The following COL2A1 variants were observed in gnomAD, a reference collection of about 807,000 sequenced individuals.
COL2A1 encodes collagen alpha-1(II) chain.
Under a neutral mutation model 204.5 loss-of-function variants are expected in COL2A1, and 28 were observed. The ratio of observed to expected loss-of-function variants is 0.14; its 90% CI spans 0.10 to 0.19. COL2A1 has a LOEUF of 0.19. COL2A1 is among the 10% of genes least tolerant of loss of function. COL2A1 has a pLI of 1.00. For missense variants in COL2A1, 1,388 were observed against 2,027.5 expected (o/e 0.68, Z 6.06); for synonymous variants, 708 against 718.7 (o/e 0.99, Z 0.24).
chr12:47,993,157 C>T (rs1320853736), intron 15 of COL2A1, among the ~76,000 whole-genome samples: 2 of 152,186 alleles, frequency 1.3e-5, no homozygotes, highest in African/African-American at 2.4e-5. Flanking sequence ...CCTGTTGCTA[C>T]CTATTGGGAA....
At chr12:47,994,074 A>G in intron 12 of COL2A1, 27 bp from the exon 13 acceptor site, 1 of 1,613,746 alleles carries the variant, frequency 6.2e-7, no homozygotes, top group Non-Finnish European at 8.5e-7. Flanking sequence ...AGGTGTTCAG[A>G]GCACAGAGTA....
At position 47,994,495 on chromosome 12, in the gene COL2A1, G is replaced by A; in HGVS notation, c.763-18C>T. Reference sequence around the variant, plus strand: ...GCTTCACCCTGAAGGGAGAGAGAGAGATATCCCAGCTTCCTCAGAGACGCA... The same window carrying A: ...GCTTCACCCTGAAGGGAGAGAGAGAAATATCCCAGCTTCCTCAGAGACGCA... On this transcript the variant is annotated intron_variant, in intron 11 of 53. Transcript: ENST00000380518. 6.2e-7 allele frequency: 1 copy of A among 1,613,010 alleles called. No individual in the cohort carries two copies. The highest frequency in any genetic ancestry group is 8.5e-7 in the Non-Finnish European group (1 of 1,179,620).
intron 16 of COL2A1, among the ~76,000 whole-genome samples, chr12:47,990,525 G>A (rs1939654855): frequency 6.6e-6 from 1 of 152,166 alleles, no homozygotes; most frequent in African/African-American, 2.4e-5. Context: ...GTTAAGGCTT[G>A]GTTAAGGCCT....
intron 35 of COL2A1, 74 bp downstream of exon 35, chr12:47,982,033 C>T (rs1939120347): frequency 6.7e-7 from 1 of 1,493,450 alleles, no homozygotes; most frequent in Non-Finnish European, 9.3e-7. Context: ...GACTGCCCAG[C>T]CCTCTCTCCT....
chr12:47,983,038 T>C, intron 32 of COL2A1, 55 bp downstream of exon 32: 16 of 1,609,926 alleles, frequency 9.9e-6, no homozygotes, highest in South Asian at 9.9e-5. Context: ...AGCAGGAGCA[T>C]AGGACCCAGG....
intron 7 of COL2A1, among the ~76,000 whole-genome samples, 159 bp from the exon 8 acceptor site, chr12:47,996,784 A>T (rs1939986656): frequency 6.6e-6 from 1 of 152,240 alleles, no homozygotes; most frequent in Non-Finnish European, 1.5e-5. Flanking sequence ...ATGCCTGGAA[A>T]GTAATTTTGG....
At chr12:47,984,957 C>A in intron 27 of COL2A1, 38 bp downstream of exon 27, 1 of 1,556,114 alleles carries the variant, frequency 6.4e-7, no homozygotes, top group South Asian at 1.1e-5. Context: ...GTAGGTAGCA[C>A]CACATGGAAG....
intron 16 of COL2A1, among the ~76,000 whole-genome samples, chr12:47,991,343 C>CCACA (rs1213634209): frequency 6.6e-6 from 1 of 152,212 alleles, no homozygotes; most frequent in Non-Finnish European, 1.5e-5. Context: ...GGGCACATGA[C>CCACA]CACAGCAGGC....
Position 47,993,845 on chromosome 12 carries a change from G to A in COL2A1, c.888C>T (p.Asp296=), listed in dbSNP as rs776629744. Residue 296 remains aspartate, a synonymous_variant, in exon 14 of 54, where the codon GAC becomes GAT. Coordinates refer to ENST00000380518, the MANE Select transcript of COL2A1 (RefSeq NM_001844.5). ...GAGCACCCGCCTCTCCCTTAGCACCGTCCAGGCCTGGATAACCCTAGGGAA... is the reference window on the plus strand; with the variant it reads ...GAGCACCCGCCTCTCCCTTAGCACCATCCAGGCCTGGATAACCCTAGGGAA... ...VKGHRGYPGL[D]GAKGEAGAPG... is the part of the protein sequence containing the mutation. 40 of 1,613,940 alleles carry A rather than the reference G, an allele frequency of 2.5e-5. No individual in the cohort carries two copies. Among genetic ancestry groups the A allele is most frequent in the African/African-American group, 8.0e-5 (6 of 74,856 alleles).
chr12:47,975,599 G>A lies in COL2A1; in HGVS notation c.3604C>T (p.Pro1202Ser). 4.4e-6 allele frequency: 7 copies of A among 1,600,074 alleles called. No individual in the cohort carries two copies. The highest frequency in any genetic ancestry group is 5.9e-6 in the Non-Finnish European group (7 of 1,179,842). Residue 1202 changes from proline (P) to serine (S), a missense_variant, in exon 51 of 54, where the codon CCT becomes TCT. Transcript: ENST00000380518. ...RSGETGPAGP[P>S]GNPGPPGPPG... Reference sequence around the variant, plus strand: ...GGACCAGGGGGTCCAGGATTTCCAGGAGGACCCTGCAGCAGGAAACAGAGA... The same window carrying A: ...GGACCAGGGGGTCCAGGATTTCCAGAAGGACCCTGCAGCAGGAAACAGAGA...
chr12:47,979,145 T>C (rs1175643013), intron 41 of COL2A1, among the ~76,000 whole-genome samples: 1 of 151,996 alleles, frequency 6.6e-6, no homozygotes, highest in Non-Finnish European at 1.5e-5. Context: ...AGTGAGTTCA[T>C]CACCACTGCT....
Position 47,986,848 on chromosome 12 carries a change from G to A in COL2A1, c.1406C>T (p.Pro469Leu), listed in dbSNP as rs759832643. The A allele has an allele frequency of 1.2e-6, 2 of 1,614,178 alleles. 1 individual carries two copies. Among genetic ancestry groups the A allele is most frequent in the South Asian group, 2.2e-5 (2 of 91,084 alleles). ...GIAGFKGEQG[P>L]KGEPGPAGPQ... ...GCAGATACTCACAGGTTCTCCCTTGGGGCCTTGTTCACCTTTGAAGCCAGC... is the reference window on the plus strand; with the variant it reads ...GCAGATACTCACAGGTTCTCCCTTGAGGCCTTGTTCACCTTTGAAGCCAGC... The change falls in exon 22 of 54, where the codon CCC (proline) becomes CTC (leucine). Residue 469 changes from proline (P) to leucine (L), a missense_variant. Pro to Leu is a moderately conservative substitution (Grantham distance 98). Around this residue, in one of 3 missense-constraint regions of COL2A1, gnomAD observed 884 missense variants for 1,415.8 expected, o/e 0.62. Coordinates refer to ENST00000380518, the MANE Select transcript of COL2A1 (RefSeq NM_001844.5).
At position 47,998,439 on chromosome 12, in the gene COL2A1, G is replaced by A. The variant is rs780898714; in HGVS notation, c.293-8C>T. On this transcript the variant is annotated splice_region_variant and splice_polypyrimidine_tract_variant and intron_variant, in intron 2 of 53. Transcript: ENST00000380518. ...CCTTTGGTCCTGGTTGCCCTGCAAG[G>A]GAAAAAATATAGAGAAGAAGAAGGT... The A allele has an allele frequency of 1.3e-5, 21 of 1,610,588 alleles. No homozygotes were observed. The highest frequency in any genetic ancestry group is 1.8e-5 in the Non-Finnish European group (21 of 1,177,964).
rs1592244344 is a variant in COL2A1 at position 48,004,389 on chromosome 12, G to T, written c.-68C>A. On this transcript the variant is annotated 5_prime_UTR_variant, in exon 1 of 54. Coordinates refer to ENST00000380518, the MANE Select transcript of COL2A1 (RefSeq NM_001844.5). ...CAGCGAAACGGCAGGAGCACGGCGC[G>T]GGTCCGGGTCTCTACCGCGCCCTCA... The T allele has an allele frequency of 7.3e-6, 7 of 954,798 alleles. No homozygotes were observed. The East Asian group carries it at 1.8e-4, about 25-fold the overall frequency. The allele number at this position is 954,798 out of a possible 1,614,324, so 59.1% of individuals were successfully genotyped here.
chr12:47,998,051 T>C lies in COL2A1; in HGVS notation c.356A>G (p.Lys119Arg), dbSNP rs758569692. ...PGDIKDIVGP[K>R]GPPGPQGPAG... ...TCTTACCTGAGGCCCAGGAGGTCCT[T>C]TGGGTCCTACAATCTGTGAGAGAGA... Residue 119 changes from lysine (K) to arginine (R), a missense_variant, in exon 5 of 54, where the codon AAA becomes AGA. Physicochemically the swap from Lys to Arg is conservative, Grantham distance 26 (BLOSUM62 2). This residue lies in a region of COL2A1 where 201 missense variants were observed against 242.4 expected (regional missense o/e 0.83). Coordinates refer to ENST00000380518, the MANE Select transcript of COL2A1 (RefSeq NM_001844.5). 3.7e-6 allele frequency: 6 copies of C among 1,614,144 alleles called. No homozygotes were observed. The highest frequency in any genetic ancestry group is 5.1e-6 in the Non-Finnish European group (6 of 1,180,028).
In COL2A1 at chr12:47,987,739, G is replaced by A; in HGVS notation, c.1123-30C>T. On this transcript the variant is annotated intron_variant, in intron 18 of 53. Transcript: ENST00000380518. This position sits in a 1 kb window ranked among gnomAD's most constrained non-coding sequence, Gnocchi z 4.1. ...GAAGAGACAGGGAGGATGAAATGAA[G>A]AAGAAGAGAGGGGACACAGACCTCT... The A allele has an allele frequency of 6.4e-7, 1 of 1,561,064 alleles. No homozygotes were observed. The highest frequency in any genetic ancestry group is 8.8e-7 in the Non-Finnish European group (1 of 1,139,740).
chr12:48,004,222 CG>C lies in COL2A1; in HGVS notation c.85+14del. On this transcript the variant is annotated intron_variant, in intron 1 of 53. Coordinates refer to ENST00000380518, the MANE Select transcript of COL2A1 (RefSeq NM_001844.5). ...TGGAAAGCAGGCAGGCAGGCAGGGG[CG>C]GGGGAAGACTTACGGACATCCTGGC... 1.3e-6 allele frequency: 2 copies of C among 1,532,460 alleles called. No individual in the cohort carries two copies. Among genetic ancestry groups the C allele is most frequent in the South Asian group, 1.2e-5 (1 of 83,626 alleles). The allele number at this position is 1,532,460 out of a possible 1,614,324, so 94.9% of individuals were successfully genotyped here.
intron 1 of COL2A1, among the ~76,000 whole-genome samples, chr12:48,000,476 G>A (rs118130480): frequency 2.6e-5 from 4 of 152,176 alleles, no homozygotes; most frequent in East Asian, 3.9e-4. Context: ...GAGGGTGAGC[G>A]GAAGGGAGGA....
At chr12:47,994,737 C>T (rs1335441292) in intron 11 of COL2A1, among the ~76,000 whole-genome samples, 1 of 152,214 alleles carries the variant, frequency 6.6e-6, no homozygotes, top group African/African-American at 2.4e-5. Context: ...TTTCTCTCCT[C>T]TCCTAGGTTC....
Sources: gnomAD v4.1 joint callset for allele counts (sites outside exome capture counted in the v4.1 genomes callset) on GRCh38, gnomAD v4.1.1 for gene constraint, gnomAD v4.1.1 regional missense constraint, Gnocchi (gnomAD v3.1) non-coding constraint, MANE v1.5 for transcripts, NCBI Gene and HGNC (gene_info 2026-07-23, HGNC 2026-07-21) for gene names.